Variants in CFAP206 observed in about 807,000 individuals in gnomAD.
The protein encoded by CFAP206 is cilia and flagella associated protein 206.
CFAP206 carries 53 observed loss-of-function variants against 65.4 expected under a neutral mutation model. The observed-to-expected ratio is 0.81, with a 90% CI of 0.65 to 1.02. The LOEUF (loss-of-function observed/expected upper bound fraction) is 1.02. CFAP206 is among the 50% of genes least tolerant of loss of function. The pLI, the probability that CFAP206 is intolerant of heterozygous loss-of-function variation, is 0.00. For synonymous variants in CFAP206, 250 were observed against 254.4 expected (o/e 0.98, Z 0.17); for missense variants, 663 against 753.2 (o/e 0.88, Z 1.40).
chr6:87,412,686 T>A (rs1365601483), intron 3 of CFAP206, among the ~76,000 whole-genome samples: 1 of 151,914 alleles, frequency 6.6e-6, no homozygotes, highest in East Asian at 1.9e-4. Context: ...TGAGACAGAG[T>A]CTCGCTCTGT....
At chr6:87,415,033 G>C (rs1454682201) in intron 4 of CFAP206, among the ~76,000 whole-genome samples, 1 of 152,084 alleles carries the variant, frequency 6.6e-6, no homozygotes, top group Non-Finnish European at 1.5e-5. Flanking sequence ...TTGTCTTATA[G>C]AGTCATTGCA....
intron 12 of CFAP206, among the ~76,000 whole-genome samples, chr6:87,461,729 T>A (rs1376576008): frequency 6.6e-6 from 1 of 152,176 alleles, no homozygotes; most frequent in Non-Finnish European, 1.5e-5. Context: ...AAATATTTTG[T>A]CTGTAGCCCC....
chr6:87,425,335 T>G (rs1768022083), intron 7 of CFAP206, among the ~76,000 whole-genome samples: 1 of 152,216 alleles, frequency 6.6e-6, no homozygotes, highest in Middle Eastern at 3.2e-3. Context: ...TTCACTACCT[T>G]TAATAACCTT....
intron 4 of CFAP206, among the ~76,000 whole-genome samples, chr6:87,415,127 A>G (rs1452526533): frequency 6.6e-6 from 1 of 152,076 alleles, no homozygotes; most frequent in Admixed American, 6.6e-5. Context: ...AGGAATGAGG[A>G]GGGATACAGT....
At chr6:87,410,538 T>G in intron 2 of CFAP206, 47 bp from the exon 3 acceptor site, 1 of 1,320,576 alleles carries the variant, frequency 7.6e-7, no homozygotes, top group Non-Finnish European at 1.1e-6. Flanking sequence ...TAAAATTGCT[T>G]AATGGATTCT....
At chr6:87,416,615 A>G in intron 5 of CFAP206, 54 bp from the exon 6 acceptor site, 4 of 1,492,508 alleles carry the variant, frequency 2.7e-6, no homozygotes, top group Non-Finnish European at 3.6e-6. Context: ...TTAACGTCTG[A>G]TATCTTTATT....
At chr6:87,425,948 T>G (rs1458631717) in intron 7 of CFAP206, 3 of 159,424 alleles carry the variant, frequency 1.9e-5, no homozygotes, top group African/African-American at 7.2e-5. Flanking sequence ...ATCTTCCAAT[T>G]CACATTGCCT....
intron 11 of CFAP206, among the ~76,000 whole-genome samples, chr6:87,444,098 A>G (rs1768400465): frequency 6.6e-6 from 1 of 152,200 alleles, no homozygotes; most frequent in Non-Finnish European, 1.5e-5. Flanking sequence ...ATTGATATCT[A>G]ATTTTTAAAA....
At chr6:87,411,173 C>T (rs1202890866) in intron 3 of CFAP206, among the ~76,000 whole-genome samples, 2 of 152,184 alleles carry the variant, frequency 1.3e-5, no homozygotes, top group Non-Finnish European at 2.9e-5. Context: ...GCATCTGCTA[C>T]AGTATTTTAG....
chr6:87,450,477 G>A (rs1211497655), intron 11 of CFAP206, among the ~76,000 whole-genome samples: 1 of 70,126 alleles, frequency 1.4e-5, no homozygotes, highest in African/African-American at 7.4e-5. Flanking sequence ...AAATGAAAAT[G>A]TGTGTGTGTG....
intron 10 of CFAP206, among the ~76,000 whole-genome samples, chr6:87,434,413 A>T (rs2127952765): frequency 7.4e-6 from 1 of 136,010 alleles, no homozygotes; most frequent in Non-Finnish European, 1.6e-5. Flanking sequence ...TTTGAGACAC[A>T]GTCTCAAAAA....
chr6:87,431,313 C>T (rs1402555830), intron 10 of CFAP206, 140 bp downstream of exon 10: 4 of 824,236 alleles, frequency 4.9e-6, no homozygotes, highest in Non-Finnish European at 7.4e-6. Flanking sequence ...AAAGATGATC[C>T]AGACAAAGTC....
intron 11 of CFAP206, among the ~76,000 whole-genome samples, chr6:87,449,050 T>C (rs1007039253): frequency 1.3e-5 from 2 of 152,158 alleles, no homozygotes; most frequent in Non-Finnish European, 2.9e-5. Flanking sequence ...CATATGGTAT[T>C]TCTATTTTTA....
Position 87,408,055 on chromosome 6 carries a change from G to T in CFAP206, c.-40G>T. 1.0e-6 allele frequency: 1 copy of T among 985,488 alleles called. No homozygotes were observed. The highest frequency in any genetic ancestry group is 1.2e-6 in the Non-Finnish European group (1 of 829,992). 61.0% of individuals were successfully genotyped at this position (985,488 alleles called of 1,614,324 possible). A position where few individuals can be genotyped will look rare whatever the true frequency, so the allele number is the denominator to read the frequency against. ...CGGTGAGGGCCCCAGGACAGAAGCAGACAGACACGGCTCCTGCTGTCGATT... is the reference window on the plus strand; with the variant it reads ...CGGTGAGGGCCCCAGGACAGAAGCATACAGACACGGCTCCTGCTGTCGATT... On this transcript the variant is annotated 5_prime_UTR_variant, in exon 1 of 13. Transcript: ENST00000369562.
chr6:87,463,973 T>C (rs756155425), intron 12 of CFAP206, 47 bp from the exon 13 acceptor site: 5 of 1,469,348 alleles, frequency 3.4e-6, no homozygotes, highest in East Asian at 2.3e-5. Context: ...TTTTATGTTA[T>C]TTGTTCTTTA....
intron 1 of CFAP206, 32 bp downstream of exon 1, chr6:87,408,121 C>T: frequency 1.0e-6 from 1 of 971,088 alleles, no homozygotes; most frequent in Non-Finnish European, 1.2e-6. Flanking sequence ...CGCCCTTGAC[C>T]CGGAGGCGTA....
intron 9 of CFAP206, among the ~76,000 whole-genome samples, chr6:87,429,217 A>G (rs1768111950): frequency 6.7e-6 from 1 of 149,740 alleles, no homozygotes; most frequent in African/African-American, 2.5e-5. Context: ...ACAGAGTGAG[A>G]CTCCATCTCA....
At chr6:87,428,925 T>A in intron 9 of CFAP206, 101 bp downstream of exon 9, 5 of 1,177,358 alleles carry the variant, frequency 4.2e-6, no homozygotes, top group Non-Finnish European at 4.9e-6. Flanking sequence ...GATAAAGCAT[T>A]AAACATTTTT....
intron 10 of CFAP206, among the ~76,000 whole-genome samples, chr6:87,431,710 G>A (rs761981414): frequency 1.3e-5 from 2 of 152,182 alleles, no homozygotes; most frequent in Non-Finnish European, 2.9e-5. Flanking sequence ...AGATTGCAGC[G>A]AGCTGAGATA....
Sources: allele counts gnomAD v4.1 joint callset (sites outside exome capture counted in the v4.1 genomes callset), GRCh38; gene constraint gnomAD v4.1.1; transcripts MANE v1.5; gene names NCBI Gene and HGNC (gene_info 2026-07-23, HGNC 2026-07-21).